Variants in ALG13 observed in about 807,000 individuals in gnomAD.
ALG13 encodes the protein ALG13 UDP-N-acetylglucosaminyltransferase subunit.
In ALG13, 11 loss-of-function variants were observed where a neutral mutation model predicts 87.8. That is an observed-to-expected ratio of 0.13 (90% CI 0.08 to 0.21). ALG13 has a LOEUF of 0.21. ALG13 is among the 10% of genes least tolerant of loss of function. The pLI, the probability that ALG13 is intolerant of heterozygous loss-of-function variation, is 1.00. For missense variants in ALG13, 756 were observed against 866.1 expected (o/e 0.87, Z 1.60); for synonymous variants, 320 against 306.3 (o/e 1.04, Z -0.47).
intron 24 of ALG13, among the ~76,000 whole-genome samples, chrX:111,750,902 C>T (rs760217593): frequency 9.1e-6 from 1 of 109,798 alleles, no homozygotes; most frequent in East Asian, 2.9e-4. Context: ...CTCCTGACCT[C>T]AAGTGGTTCG....
intron 5 of ALG13, chrX:111,710,911 A>T (rs1015926012): frequency 9.0e-6 from 1 of 111,127 alleles, no homozygotes; most frequent in Non-Finnish European, 1.9e-5. Flanking sequence ...GTTCGCCAGG[A>T]TGGTCTCGAT....
At chrX:111,741,273 A>G (rs1408664311) in intron 23 of ALG13, among the ~76,000 whole-genome samples, 3 of 111,831 alleles carry the variant, frequency 2.7e-5, no homozygotes, top group Non-Finnish European at 3.8e-5. Flanking sequence ...GGAAGGACCA[A>G]TAGATTAAGA....
chrX:111,716,269 C>T (rs749915358), intron 8 of ALG13, among the ~76,000 whole-genome samples: 1 of 112,012 alleles, frequency 8.9e-6, no homozygotes, highest in South Asian at 3.7e-4. Flanking sequence ...CACTCCCAAC[C>T]ACCCACAAGT....
chrX:111,696,181 C>T (rs867667641), intron 3 of ALG13, among the ~76,000 whole-genome samples: 11 of 111,121 alleles, frequency 9.9e-5, no homozygotes, highest in African/African-American at 3.6e-4. Flanking sequence ...CAGTCATCCC[C>T]ACTTTTTGCC....
At chrX:111,717,118 A>G (rs1036598884) in intron 8 of ALG13, 5 of 110,548 alleles carry the variant, frequency 4.5e-5, no homozygotes, top group African/African-American at 1.6e-4. Flanking sequence ...GATTTTTTCA[A>G]CAAAAATTCA....
chrX:111,759,397 A>G (rs1945555736), intron 26 of ALG13, among the ~76,000 whole-genome samples: 1 of 111,224 alleles, frequency 9.0e-6, no homozygotes, highest in Admixed American at 9.6e-5. Context: ...ACTATTGGAT[A>G]ACTCAATTGT....
chrX:111,757,661 A>T lies in ALG13; in HGVS notation c.3047A>T (p.Tyr1016Phe), dbSNP rs1217849587. 8.3e-7 allele frequency: 1 copy of T among 1,208,644 alleles called. No homozygotes were observed. Among genetic ancestry groups the T allele is most frequent in the South Asian group, 1.8e-5 (1 of 56,802 alleles). ...CAGCAGCAGCTTCATGTAGAGAATT[A>T]TCCAGTCTATACTGAGCCACCTCTG... is the stretch of plus-strand genomic sequence containing the variant. ...QMQQQLHVEN[Y>F]PVYTEPPLVD... The change falls in exon 26 of 27, where the codon TAT becomes TTT. Residue 1016 changes from tyrosine to phenylalanine, a missense_variant. Physicochemically the swap from Tyr to Phe is conservative, Grantham distance 22. This residue lies in a region of ALG13 where 110 missense variants were observed against 104.9 expected (regional missense o/e 1.05). Coordinates refer to ENST00000394780, the MANE Select transcript of ALG13 (RefSeq NM_001099922.3).
intron 3 of ALG13, chrX:111,688,603 C>T (rs761957019): frequency 3.5e-5 from 26 of 744,913 alleles, no homozygotes; most frequent in Admixed American, 9.0e-5. Context: ...ATAAAATAAT[C>T]GTGCCTAATG....
chrX:111,736,972 T>G (rs953970799), intron 23 of ALG13, 93 bp downstream of exon 23: 6 of 729,515 alleles, frequency 8.2e-6, no homozygotes, highest in Non-Finnish European at 1.1e-5. Context: ...ACCATTACTT[T>G]AATTTCCAGA....
chrX:111,732,427 C>A (rs1274121831), intron 21 of ALG13, among the ~76,000 whole-genome samples: 2 of 112,230 alleles, frequency 1.8e-5, no homozygotes, highest in Admixed American at 9.4e-5. Context: ...TGCGAGTTGG[C>A]AGCAGGCTGC....
intron 3 of ALG13, among the ~76,000 whole-genome samples, chrX:111,693,704 T>C (rs1936539485): frequency 8.9e-6 from 1 of 112,244 alleles, no homozygotes. Flanking sequence ...GATTGACACT[T>C]GTATCATAGC....
chrX:111,688,812 A>G, intron 3 of ALG13: 2 of 747,731 alleles, frequency 2.7e-6, no homozygotes, highest in Non-Finnish European at 3.2e-6. Context: ...ATATGGTTTT[A>G]AAATTGACTT....
At chrX:111,747,922 G>A (rs1467758422) in intron 24 of ALG13, among the ~76,000 whole-genome samples, 1 of 112,686 alleles carries the variant, frequency 8.9e-6, no homozygotes, top group Non-Finnish European at 1.9e-5. Context: ...CACCAGCAAT[G>A]AATGAGTGTT....
Position 111,718,696 on chromosome X carries a change from C to T in ALG13, c.1250+422C>T, listed in dbSNP as rs186366092. On this transcript the variant is annotated intron_variant, in intron 10 of 26. Coordinates refer to ENST00000394780, the MANE Select transcript of ALG13 (RefSeq NM_001099922.3). ...CTGTGGATCATACTTTGAGAAAATA[C>T]TGATTCTAAAGTAGCACCATCATTT... 5.1e-3 allele frequency among the ~76,000 whole-genome samples: 570 copies of T among 111,744 alleles called. 2 individuals carry two copies. Among genetic ancestry groups the T allele is most frequent in the African/African-American group, 0.017 (529 of 30,741 alleles).
intron 3 of ALG13, chrX:111,687,774 GTTT>G: frequency 1.6e-6 from 1 of 635,332 alleles, no homozygotes; most frequent in Non-Finnish European, 2.3e-6. Context: ...CACATGTGCA[GTTT>G]TTAGAAGTAC....
chrX:111,740,487 A>G (rs1943647669), intron 23 of ALG13, among the ~76,000 whole-genome samples: 1 of 111,458 alleles, frequency 9.0e-6, no homozygotes, highest in African/African-American at 3.3e-5. Flanking sequence ...CCTGAAAACA[A>G]TAAGTATCCC....
Position 111,760,343 on chromosome X carries a change from A to G in ALG13, c.*344A>G, listed in dbSNP as rs1160826241. On this transcript the variant is annotated 3_prime_UTR_variant, in exon 27 of 27. Transcript: ENST00000394780. Reference sequence around the variant, plus strand: ...TATTTCATTGGTTCAAAAATCACACATCATATTAAACCATGCAGAATTGGA... The same window carrying G: ...TATTTCATTGGTTCAAAAATCACACGTCATATTAAACCATGCAGAATTGGA... The G allele has an allele frequency of 1.2e-5, 2 of 163,417 alleles. No homozygotes were observed. The highest frequency in any genetic ancestry group is 3.1e-5 in the African/African-American group (1 of 32,565). The allele number at this position is 163,417 out of a possible 1,213,427, so 13.5% of individuals were successfully genotyped here. A position where few individuals can be genotyped will look rare whatever the true frequency, so the allele number is the denominator to read the frequency against.
chrX:111,747,142 G>A (rs778357430), intron 24 of ALG13, among the ~76,000 whole-genome samples: 10 of 111,596 alleles, frequency 9.0e-5, no homozygotes, highest in Non-Finnish European at 1.9e-4. Context: ...TTGGAAAAAT[G>A]AATGATGACA....
intron 5 of ALG13, 111 bp downstream of exon 5, chrX:111,709,159 AAT>A (rs1416929324): frequency 8.8e-6 from 3 of 339,110 alleles, no homozygotes; most frequent in Non-Finnish European, 1.5e-5. Flanking sequence ...CTCAATAGCA[AAT>A]ATATAATTCC....
Sources: allele counts gnomAD v4.1 joint callset (sites outside exome capture counted in the v4.1 genomes callset), GRCh38; gene constraint gnomAD v4.1.1; regional missense constraint gnomAD v4.1.1; transcripts MANE v1.5; gene names NCBI Gene and HGNC (gene_info 2026-07-23, HGNC 2026-07-21).